The following IGF2R variants were observed in gnomAD, a reference collection of about 807,000 sequenced individuals.
The protein encoded by IGF2R is insulin like growth factor 2 receptor.
In IGF2R, 91 loss-of-function variants were observed where a neutral mutation model predicts 270.6. That is an observed-to-expected ratio of 0.34 (90% confidence interval 0.28 to 0.40). The LOEUF is 0.40. IGF2R is among the 10% of genes least tolerant of loss of function. The probability of loss-of-function intolerance (pLI) is 1.00; values close to 1 mark genes in which losing one functional copy is unlikely to be tolerated. For missense variants in IGF2R, 2,805 were observed against 3,188.3 expected, an observed-to-expected ratio of 0.88 and a Z score of 2.90; for synonymous variants, 1,316 against 1,258.9, an observed-to-expected ratio of 1.05 and a Z score of -0.96.
chr6:160,103,639 A>G (rs2297369), intron 46 of IGF2R, 107 bp from the exon 47 acceptor site: 249,660 of 748,540 alleles, frequency 0.33, 45,505 homozygotes, highest in East Asian at 0.55. Context: ...AAATGCAGCC[A>G]CCACCAGCCC....
intron 6 of IGF2R, 91 bp downstream of exon 6, chr6:160,027,405 G>C: frequency 7.1e-7 from 1 of 1,410,120 alleles, no homozygotes; most frequent in Non-Finnish European, 9.5e-7. Flanking sequence ...TTTTCAGCAA[G>C]GCTTGGGATA....
chr6:159,988,933 T>G (rs1007836340), intron 1 of IGF2R, among the ~76,000 whole-genome samples: 6 of 152,118 alleles, frequency 3.9e-5, no homozygotes, highest in African/African-American at 1.4e-4. Context: ...AAACAAGCCT[T>G]TATTGATGAT....
At chr6:160,077,413 C>G (rs1778878595) in intron 36 of IGF2R, among the ~76,000 whole-genome samples, 1 of 152,212 alleles carries the variant, frequency 6.6e-6, no homozygotes, top group East Asian at 1.9e-4. Flanking sequence ...GCTTTGTTAT[C>G]TACACCACCA....
At chr6:159,996,568 G>C (rs987182991) in intron 2 of IGF2R, among the ~76,000 whole-genome samples, 1 of 152,174 alleles carries the variant, frequency 6.6e-6, no homozygotes, top group South Asian at 2.1e-4. Flanking sequence ...AGGTGTCTGC[G>C]GGGAGGTGTG....
At chr6:160,024,524 TGACC>T (rs758096822) in intron 4 of IGF2R, 44 bp from the exon 5 acceptor site, 3 of 1,592,778 alleles carry the variant, frequency 1.9e-6, no homozygotes, top group Non-Finnish European at 2.6e-6. Flanking sequence ...CTTTTCTGAT[TGACC>T]AAGATGTATA....
At position 160,061,512 on chromosome 6, in the gene IGF2R, G is replaced by A. The variant is rs776805189; in HGVS notation, c.3272G>A (p.Gly1091Glu). ...PVDCQVTDLA[G>E]NEYDLTGLST... ...TTTTGTTGTGTTTCAGACCTGGCTG[G>A]AAATGAGTACGACCTGACTGGCCTA... Residue 1091 changes from glycine to glutamate, a missense_variant, in exon 24 of 48, where the codon GGA becomes GAA. Gly to Glu is a moderately conservative substitution (Grantham distance 98). Transcript: ENST00000356956. The A allele has an allele frequency of 6.2e-7, 1 of 1,613,802 alleles. No individual in the cohort carries two copies. Among genetic ancestry groups the A allele is most frequent in the Non-Finnish European group, 8.5e-7 (1 of 1,179,932 alleles).
intron 6 of IGF2R, 97 bp from the exon 7 acceptor site, chr6:160,029,453 C>T (rs1252859187): frequency 3.0e-6 from 2 of 672,674 alleles, no homozygotes; most frequent in Non-Finnish European, 5.5e-6. Context: ...ACCCTCTCCT[C>T]CCCCCCAAGT....
At chr6:160,041,499 G>C (rs1777945386) in intron 11 of IGF2R, among the ~76,000 whole-genome samples, 1 of 152,140 alleles carries the variant, frequency 6.6e-6, no homozygotes, top group South Asian at 2.1e-4. Flanking sequence ...GGTGAGGGGA[G>C]GGAACTTAGA....
At position 160,078,227 on chromosome 6, in the gene IGF2R, C is replaced by T. The variant is rs773973102; in HGVS notation, c.5343C>T (p.Ser1781=). 154 of 1,614,070 alleles carry T rather than the reference C, an allele frequency of 9.5e-5. No homozygotes were observed. In the Admixed American group the frequency reaches 2.4e-3, roughly 25 times the overall value. ...GAACGCCTAAGCTGTTAAGGACCAG[C>T]GAGTGCGACTTTGTGTTCGAATGGG... ...SMGTPKLLRT[S]ECDFVFEWET... Residue 1781 remains serine (S), a synonymous_variant, in exon 37 of 48, where the codon AGC becomes AGT. Coordinates refer to ENST00000356956, the MANE Select transcript of IGF2R (RefSeq NM_000876.4).
chr6:160,031,602 A>T (rs1464454544), intron 7 of IGF2R, among the ~76,000 whole-genome samples: 1 of 152,064 alleles, frequency 6.6e-6, no homozygotes, highest in Non-Finnish European at 1.5e-5. Flanking sequence ...GGTTTCTCTT[A>T]CGGAGCCCTG....
intron 37 of IGF2R, 43 bp downstream of exon 37, chr6:160,078,405 G>A (rs1778901936): frequency 1.3e-6 from 2 of 1,583,688 alleles, no homozygotes; most frequent in Non-Finnish European, 1.7e-6. Context: ...GGTGTACCAG[G>A]TGCCAGGTGC....
chr6:160,041,544 A>G (rs541309013), intron 11 of IGF2R, among the ~76,000 whole-genome samples: 3 of 152,264 alleles, frequency 2.0e-5, no homozygotes, highest in African/African-American at 4.8e-5. Flanking sequence ...CCACCATGGC[A>G]CATGTATACC....
At chr6:160,030,233 G>GT (rs1777665136) in intron 7 of IGF2R, among the ~76,000 whole-genome samples, 1 of 152,174 alleles carries the variant, frequency 6.6e-6, no homozygotes, top group Admixed American at 6.5e-5. Context: ...GCCTGCAAGT[G>GT]TTTTAACCAG....
intron 10 of IGF2R, among the ~76,000 whole-genome samples, chr6:160,036,787 C>A (rs1777837174): frequency 6.6e-6 from 1 of 151,920 alleles, no homozygotes; most frequent in African/African-American, 2.4e-5. Context: ...AAAAAGAAGA[C>A]CCGCAGTAGA....
chr6:160,036,353 G>T (rs1311834878), intron 10 of IGF2R, among the ~76,000 whole-genome samples: 4 of 151,992 alleles, frequency 2.6e-5, no homozygotes, highest in African/African-American at 4.8e-5. Context: ...CTCCTACTTG[G>T]TGTCCCCAGT....
At chr6:160,001,260 G>A (rs565945992) in intron 2 of IGF2R, among the ~76,000 whole-genome samples, 36 of 151,998 alleles carry the variant, frequency 2.4e-4, no homozygotes, top group Admixed American at 8.5e-4. Flanking sequence ...TTATAGGAGC[G>A]CGAACCCTAT....
In IGF2R at chr6:160,074,064, T is replaced by G. The variant is rs554498542; in HGVS notation, c.5166+89T>G. 4 of 871,918 alleles carry G rather than the reference T, an allele frequency of 4.6e-6. No homozygotes were observed. In the South Asian group the frequency reaches 6.4e-5, roughly 14 times the overall value. The allele number at this position is 871,918 out of a possible 1,614,324, so 54.0% of individuals were successfully genotyped here. On this transcript the variant is annotated intron_variant, in intron 35 of 47. Coordinates refer to ENST00000356956, the MANE Select transcript of IGF2R (RefSeq NM_000876.4). ...TTGTTTCTTGCCTTCAGTGGGGAGTTGCTCAAGCATAAAAAAAATGGAGAA... is the reference window on the plus strand; with the variant it reads ...TTGTTTCTTGCCTTCAGTGGGGAGTGGCTCAAGCATAAAAAAAATGGAGAA...
chr6:160,075,446 C>T (rs555472217), intron 35 of IGF2R, among the ~76,000 whole-genome samples: 68 of 152,264 alleles, frequency 4.5e-4, no homozygotes, highest in African/African-American at 1.5e-3. Flanking sequence ...ATGGAGGTTC[C>T]GGCCTTCCCC....
At position 160,032,319 on chromosome 6, in the gene IGF2R, C is replaced by T. The variant is rs369132407; in HGVS notation, c.883-232C>T. Among the ~76,000 whole-genome samples, 6 of 151,596 alleles carry T rather than the reference C, an allele frequency of 4.0e-5. No homozygotes were observed. In the East Asian group the frequency reaches 5.8e-4, roughly 15 times the overall value. On this transcript the variant is annotated intron_variant, in intron 7 of 47. Transcript: ENST00000356956. ...GTGTAAAGAGGAAATGGAGGTGTTA[C>T]GAGTCAAATGGAAAAAAAATAACAG...
Sources: gnomAD v4.1 joint callset for allele counts (sites outside exome capture counted in the v4.1 genomes callset) on GRCh38, gnomAD v4.1.1 for gene constraint, MANE v1.5 for transcripts, NCBI Gene and HGNC (gene_info 2026-07-23, HGNC 2026-07-21) for gene names.